The following ASXL3 variants were observed in gnomAD, a reference collection of about 807,000 sequenced individuals.
The protein encoded by ASXL3 is putative Polycomb group protein ASXL3.
Under a neutral mutation model 170.6 loss-of-function variants are expected in ASXL3, and 34 were observed. That is an observed-to-expected ratio of 0.20 (90% CI 0.15 to 0.27). The LOEUF (loss-of-function observed/expected upper bound fraction) is 0.27, where lower values mean the gene tolerates loss of function less well. Among genes scored for constraint, ASXL3 ranks in the 10% least tolerant of loss-of-function variants. ASXL3 has a pLI of 1.00. For synonymous variants in ASXL3, 1,002 were observed against 989.1 expected (o/e 1.01, Z -0.24); for missense variants, 2,592 against 2,695.3 (o/e 0.96, Z 0.85).
chr18:33,672,508 A>G (rs2066360113), intron 7 of ASXL3, among the ~76,000 whole-genome samples: 1 of 152,222 alleles, frequency 6.6e-6, no homozygotes, highest in Non-Finnish European at 1.5e-5. Context: ...AAAGACAAAA[A>G]TAAACATATC....
chr18:33,740,229 C>T lies in ASXL3; in HGVS notation c.2825C>T (p.Ser942Leu). 6.2e-7 allele frequency: 1 copy of T among 1,613,694 alleles called. No individual in the cohort carries two copies. Among genetic ancestry groups the T allele is most frequent in the South Asian group, 1.1e-5 (1 of 91,050 alleles). ...SRLETSHTSK[S>L]SEPSKSPDGI... ...TTAGAAACCTCACATACTTCCAAGT[C>T]ATCAGAGCCCTCCAAGTCACCTGAT... Residue 942 changes from serine to leucine, a missense_variant, in exon 11 of 12, where the codon TCA becomes TTA. Ser to Leu is a moderately radical substitution (Grantham distance 145). Transcript: ENST00000269197.
chr18:33,634,304 A>T (rs2065732736), intron 2 of ASXL3, among the ~76,000 whole-genome samples: 1 of 151,582 alleles, frequency 6.6e-6, no homozygotes, highest in African/African-American at 2.4e-5. Context: ...TGGAATTAAC[A>T]GTTGTGGATG....
chr18:33,634,779 T>C (rs1361751420), intron 2 of ASXL3, among the ~76,000 whole-genome samples: 1 of 152,152 alleles, frequency 6.6e-6, no homozygotes, highest in Non-Finnish European at 1.5e-5. Context: ...TGGTAAAATG[T>C]TAGCTTATCA....
chr18:33,602,364 C>T (rs1425738123), intron 1 of ASXL3, among the ~76,000 whole-genome samples: 1 of 152,076 alleles, frequency 6.6e-6, no homozygotes, highest in Non-Finnish European at 1.5e-5. Context: ...TCATCTTTAA[C>T]CCTTCATCCA....
At chr18:33,580,978 A>G (rs953066754) in intron 1 of ASXL3, among the ~76,000 whole-genome samples, 2 of 152,150 alleles carry the variant, frequency 1.3e-5, no homozygotes, top group African/African-American at 4.8e-5. Flanking sequence ...TGTATAAGTG[A>G]CTTATCTAAT....
chr18:33,745,924 C>A lies in ASXL3; in HGVS notation c.6076C>A (p.Pro2026Thr). ...HPPPPPPPPP[P>T]PPLALPPPPP... is the part of the protein sequence containing the mutation. ...GCCGCCGCCACCGCCTCCCCCTCCCCCTCCACCCTTGGCTTTGCCCCCGCC... is the reference window on the plus strand; with the variant it reads ...GCCGCCGCCACCGCCTCCCCCTCCCACTCCACCCTTGGCTTTGCCCCCGCC... The change falls in exon 12 of 12, where the codon CCT (proline) becomes ACT (threonine). Residue 2026 changes from proline (P) to threonine (T), a missense_variant. Physicochemically the swap from Pro to Thr is conservative, Grantham distance 38. Coordinates refer to ENST00000269197, the MANE Select transcript of ASXL3 (RefSeq NM_030632.3). 1 of 1,569,466 alleles carries A rather than the reference C, an allele frequency of 6.4e-7. No homozygotes were observed.
rs201465737 is a variant in ASXL3, at chr18:33,739,361, G to A, written c.1957G>A (p.Val653Ile). The A allele has an allele frequency of 2.7e-4, 428 of 1,613,516 alleles. 3 individuals carry two copies. Among genetic ancestry groups the A allele is most frequent in the Middle Eastern group, 3.3e-4 (2 of 6,084 alleles). ...ASLETTFCSEVSSTENTDKYN... is the reference protein window; with the variant it reads ...ASLETTFCSEISSTENTDKYN... ...CCTTGAGACAACATTTTGTTCTGAG[G>A]TATCTAGCACTGAAAATACAGACAA... The change falls in exon 11 of 12, where the codon GTA becomes ATA. Residue 653 changes from valine (V) to isoleucine (I), a missense_variant. Physicochemically the swap from Val to Ile is conservative, Grantham distance 29. Coordinates refer to ENST00000269197, the MANE Select transcript of ASXL3 (RefSeq NM_030632.3).
In ASXL3 at chr18:33,588,149, A is replaced by G. The variant is rs575482695; in HGVS notation, c.54+9464A>G. On this transcript the variant is annotated intron_variant, in intron 1 of 11. Coordinates refer to ENST00000269197, the MANE Select transcript of ASXL3 (RefSeq NM_030632.3). ...GATTGCATTTTATCACTGTTAGTCT[A>G]TGAATTATTTGAAGTATTTTAAGAT... Among the ~76,000 whole-genome samples the G allele has an allele frequency of 5.3e-5, 8 of 152,208 alleles. No homozygotes were observed. In the South Asian group the frequency reaches 1.7e-3, roughly 31 times the overall value.
At chr18:33,732,575 C>T (rs760571494) in intron 9 of ASXL3, among the ~76,000 whole-genome samples, 2 of 152,082 alleles carry the variant, frequency 1.3e-5, no homozygotes, top group Admixed American at 6.6e-5. Context: ...GAATACTAGC[C>T]AGGCGTGGTG....
rs143418129 is a variant in ASXL3, at chr18:33,696,207, A to G, written c.879+12639A>G. On this transcript the variant is annotated intron_variant, in intron 8 of 11. Coordinates refer to ENST00000269197, the MANE Select transcript of ASXL3 (RefSeq NM_030632.3). ...TTTTACAACTCCTAGTAGTTATTAT[A>G]CCCTATTAAAAAAATATAGTTGCCC... is the stretch of plus-strand genomic sequence containing the variant. Among the ~76,000 whole-genome samples the G allele has an allele frequency of 5.3e-5, 8 of 151,780 alleles. No individual in the cohort carries two copies. In the East Asian group the frequency reaches 1.4e-3, roughly 26 times the overall value.
chr18:33,666,697 A>G (rs888639323), intron 5 of ASXL3, among the ~76,000 whole-genome samples: 16 of 152,204 alleles, frequency 1.1e-4, no homozygotes, highest in African/African-American at 3.9e-4. Flanking sequence ...TGATACCAGT[A>G]ACCCTGTTTG....
At chr18:33,641,967 T>C (rs1353166632) in intron 2 of ASXL3, 4 of 152,064 alleles carry the variant, frequency 2.6e-5, no homozygotes, top group Non-Finnish European at 4.4e-5. Context: ...GTGAAGAAAA[T>C]TTTGTTGAAT....
chr18:33,620,948 T>C (rs2065502591), intron 2 of ASXL3, among the ~76,000 whole-genome samples: 1 of 152,148 alleles, frequency 6.6e-6, no homozygotes, highest in African/African-American at 2.4e-5. Context: ...AGGCCAGGAC[T>C]AGTTTCCACA....
intron 8 of ASXL3, among the ~76,000 whole-genome samples, chr18:33,731,202 AAAAC>A (rs1450298598): frequency 9.7e-5 from 12 of 124,200 alleles, no homozygotes; most frequent in East Asian, 5.8e-4. Context: ...GAAAAGATCA[AAAAC>A]AAACAAAAAA....
intron 2 of ASXL3, among the ~76,000 whole-genome samples, chr18:33,619,007 C>T (rs1219607156): frequency 6.6e-6 from 1 of 152,008 alleles, no homozygotes; most frequent in Non-Finnish European, 1.5e-5. Flanking sequence ...AAAATAATAC[C>T]TAACATCTAT....
chr18:33,736,446 A>C (rs2067549310), intron 10 of ASXL3, among the ~76,000 whole-genome samples: 1 of 151,914 alleles, frequency 6.6e-6, no homozygotes, highest in African/African-American at 2.4e-5. Context: ...TGGCAGATAC[A>C]TTTTGAACAT....
intron 8 of ASXL3, among the ~76,000 whole-genome samples, chr18:33,701,388 T>C (rs1245491505): frequency 6.6e-6 from 1 of 152,074 alleles, no homozygotes; most frequent in Non-Finnish European, 1.5e-5. Flanking sequence ...GGGAGTGTTG[T>C]CATTGCTTAA....
intron 8 of ASXL3, 64 bp from the exon 9 acceptor site, chr18:33,731,904 C>T: frequency 2.9e-6 from 4 of 1,397,126 alleles, no homozygotes; most frequent in East Asian, 2.3e-5. Flanking sequence ...TTGCTTCTTT[C>T]CTGCATACTT....
chr18:33,739,988 A>G lies in ASXL3; in HGVS notation c.2584A>G (p.Lys862Glu). 6.2e-6 allele frequency: 10 copies of G among 1,613,942 alleles called. No individual in the cohort carries two copies. The highest frequency in any genetic ancestry group is 1.3e-5 in the African/African-American group (1 of 75,044). Residue 862 changes from lysine (K) to glutamate (E), a missense_variant, in exon 11 of 12, where the codon AAA becomes GAA. Around this residue, in one of 4 missense-constraint regions of ASXL3, gnomAD observed 2,246 missense variants for 2,219.6 expected, o/e 1.01. Transcript: ENST00000269197. ...IPELASTEMIKVKNHSVLQRT... is the reference protein window; with the variant it reads ...IPELASTEMIEVKNHSVLQRT... ...AGAACTTGCTTCTACTGAAATGATA[A>G]AAGTTAAAAATCATAGCGTCCTGCA...
Sources: allele counts gnomAD v4.1 joint callset (sites outside exome capture counted in the v4.1 genomes callset), GRCh38; gene constraint gnomAD v4.1.1; regional missense constraint gnomAD v4.1.1; transcripts MANE v1.5; gene names NCBI Gene and HGNC (gene_info 2026-07-23, HGNC 2026-07-21).